RAPGEF4: variants seen among roughly 807,000 people sequenced by gnomAD.
The protein encoded by RAPGEF4 is RAP guanine-nucleotide-exchange factor (GEF) 4.
Under a neutral mutation model 147.9 loss-of-function variants are expected in RAPGEF4, and 66 were observed. That is an observed-to-expected ratio of 0.45 (90% confidence interval 0.37 to 0.55). The LOEUF is 0.55. Ranked by LOEUF, RAPGEF4 falls within the 20% of genes least tolerant of loss-of-function variation. The pLI is 0.00. For synonymous variants in RAPGEF4, 419 were observed against 442.7 expected, an observed-to-expected ratio of 0.95 and a Z score of 0.67; for missense variants, 1,071 against 1,257.3, an observed-to-expected ratio of 0.85 and a Z score of 2.24.
intron 1 of RAPGEF4, among the ~76,000 whole-genome samples, chr2:172,742,916 G>T (rs1304870761): frequency 6.6e-6 from 1 of 152,168 alleles, no homozygotes; most frequent in African/African-American, 2.4e-5. Context: ...GCTTAGCAAA[G>T]CAAATCCAGC....
At chr2:172,878,695 A>C (rs1352393870) in intron 4 of RAPGEF4, among the ~76,000 whole-genome samples, 1 of 152,214 alleles carries the variant, frequency 6.6e-6, no homozygotes, top group African/African-American at 2.4e-5. Context: ...AAAGTAAAGA[A>C]CTCAAAATAT....
At chr2:172,827,590 T>C (rs992678915) in intron 4 of RAPGEF4, among the ~76,000 whole-genome samples, 1 of 152,134 alleles carries the variant, frequency 6.6e-6, no homozygotes, top group Non-Finnish European at 1.5e-5. Flanking sequence ...TTAAAGACCA[T>C]GGACTGGAAT....
chr2:173,026,971 A>T, intron 24 of RAPGEF4, 110 bp from the exon 25 acceptor site: 1 of 1,026,366 alleles, frequency 9.7e-7, no homozygotes, highest in South Asian at 1.8e-5. Context: ...TTCAAGTCTG[A>T]TTGACTTCAC....
chr2:173,009,058 C>T (rs1046075944), intron 17 of RAPGEF4, among the ~76,000 whole-genome samples: 2 of 152,094 alleles, frequency 1.3e-5, no homozygotes, highest in African/African-American at 2.4e-5. Flanking sequence ...GGTTCAGTTC[C>T]GAGAAGATTT....
chr2:172,865,908 C>A (rs1467874757), intron 4 of RAPGEF4, among the ~76,000 whole-genome samples: 6 of 152,028 alleles, frequency 3.9e-5, no homozygotes, highest in Admixed American at 3.9e-4. Flanking sequence ...TCCATTTGTA[C>A]AAATCCATTT....
At chr2:172,774,582 G>A in intron 1 of RAPGEF4, among the ~76,000 whole-genome samples, 1 of 152,310 alleles carries the variant, frequency 6.6e-6, no homozygotes, top group East Asian at 1.9e-4. Context: ...AGCTAAAATG[G>A]TGTGGAAAGC....
chr2:172,795,611 GA>G (rs1686284062), intron 2 of RAPGEF4, among the ~76,000 whole-genome samples: 1 of 152,124 alleles, frequency 6.6e-6, no homozygotes, highest in Non-Finnish European at 1.5e-5. Context: ...GTAACAGTTG[GA>G]TTTTTTAAAA....
At chr2:172,874,475 G>A (rs905625437) in intron 4 of RAPGEF4, among the ~76,000 whole-genome samples, 8 of 151,708 alleles carry the variant, frequency 5.3e-5, no homozygotes, top group African/African-American at 1.5e-4. Flanking sequence ...TTCAATTCCC[G>A]CCTATGAGTG....
chr2:172,918,623 T>G (rs550020192), intron 5 of RAPGEF4, among the ~76,000 whole-genome samples: 2 of 152,308 alleles, frequency 1.3e-5, no homozygotes, highest in South Asian at 4.1e-4. Flanking sequence ...CCCACTAAAC[T>G]CAAAGAAACC....
At chr2:172,735,374 C>A, upstream of RAPGEF4, 1 of 152,500 alleles carries the variant, frequency 6.6e-6, no homozygotes, top group Non-Finnish European at 1.5e-5. Context: ...TCGCCCTCCC[C>A]TCCAGCCTTT....
chr2:173,026,576 C>T lies in RAPGEF4; in HGVS notation c.2258C>T (p.Pro753Leu). The T allele has an allele frequency of 1.2e-6, 2 of 1,613,170 alleles. No homozygotes were observed. The highest frequency in any genetic ancestry group is 1.7e-6 in the Non-Finnish European group (2 of 1,179,560). ...TTTTTGCATTATTATTCATAGACTC[C>T]CTTACCAGAACAGGAAGGCCCAACT... is the stretch of plus-strand genomic sequence containing the variant. ...CPREQFDSLT[P>L]LPEQEGPTVG... The change falls in exon 24 of 31, where the codon CCC becomes CTC. Residue 753 changes from proline to leucine, a missense_variant. Physicochemically the swap from Pro to Leu is moderately conservative, Grantham distance 98 (BLOSUM62 -3). Coordinates refer to ENST00000397081, the MANE Select transcript of RAPGEF4 (RefSeq NM_007023.4).
At chr2:172,981,914 T>G (rs1376278953) in intron 10 of RAPGEF4, among the ~76,000 whole-genome samples, 2 of 152,258 alleles carry the variant, frequency 1.3e-5, no homozygotes, top group Non-Finnish European at 2.9e-5. Flanking sequence ...AGTTTATTTG[T>G]AAGTTTGTTT....
At chr2:173,048,537 T>G (rs1410643337) in intron 29 of RAPGEF4, 63 bp from the exon 30 acceptor site, 3 of 1,605,370 alleles carry the variant, frequency 1.9e-6, no homozygotes, top group Non-Finnish European at 2.6e-6. Flanking sequence ...TTTGTTTTCC[T>G]TTTTGGATTG....
chr2:172,783,764 GTGTA>G (rs1356534548), intron 1 of RAPGEF4, among the ~76,000 whole-genome samples: 1 of 146,748 alleles, frequency 6.8e-6, no homozygotes. Flanking sequence ...ATGTGCTTGT[GTGTA>G]TGTGTGAGTG....
intron 18 of RAPGEF4, among the ~76,000 whole-genome samples, chr2:173,015,097 T>C (rs2105891226): frequency 6.6e-6 from 1 of 152,316 alleles, no homozygotes; most frequent in Non-Finnish European, 1.5e-5. Context: ...AGTAGTACGG[T>C]AAAAAGTCTT....
intron 10 of RAPGEF4, among the ~76,000 whole-genome samples, chr2:172,973,383 G>A (rs1296973225): frequency 6.6e-6 from 1 of 152,122 alleles, no homozygotes; most frequent in East Asian, 1.9e-4. Flanking sequence ...AAAGTATTGG[G>A]ATTATAGGCA....
At chr2:172,912,002 A>G (rs1700143802) in intron 4 of RAPGEF4, among the ~76,000 whole-genome samples, 1 of 151,928 alleles carries the variant, frequency 6.6e-6, no homozygotes, top group East Asian at 1.9e-4. Flanking sequence ...CCTGGCCTCA[A>G]GCAATCCTCC....
At chr2:172,787,673 G>A (rs116087316) in intron 1 of RAPGEF4, among the ~76,000 whole-genome samples, 2,218 of 151,792 alleles carry the variant, frequency 0.015, 19 homozygotes, top group South Asian at 0.029. Context: ...AGGTTGGAGT[G>A]CAGTGGCGTG....
intron 4 of RAPGEF4, among the ~76,000 whole-genome samples, chr2:172,900,155 T>A (rs747712340): frequency 6.6e-6 from 1 of 152,232 alleles, no homozygotes; most frequent in Non-Finnish European, 1.5e-5. Context: ...GGAAGACAGA[T>A]GGACAGAATA....
Sources: gnomAD v4.1 joint callset for allele counts (sites outside exome capture counted in the v4.1 genomes callset) on GRCh38, gnomAD v4.1.1 for gene constraint, MANE v1.5 for transcripts, NCBI Gene and HGNC (gene_info 2026-07-23, HGNC 2026-07-21) for gene names.